Variants in RNF123 observed in about 807,000 individuals in gnomAD.
RNF123 encodes the protein ring finger protein 123.
Under a neutral mutation model 168.5 loss-of-function variants are expected in RNF123, and 86 were observed. That is an observed-to-expected ratio of 0.51 (90% CI 0.43 to 0.61). The LOEUF (loss-of-function observed/expected upper bound fraction) is 0.61. Ranked by LOEUF, RNF123 falls within the 20% of genes least tolerant of loss-of-function variation. The pLI is 0.00. For synonymous variants in RNF123, 666 were observed against 689.1 expected (o/e 0.97, Z 0.52); for missense variants, 1,419 against 1,729.7 (o/e 0.82, Z 3.19).
Position 49,715,905 on chromosome 3 carries a change from G to A in RNF123, c.3234G>A (p.Ser1078=), listed in dbSNP as rs778692052. The change falls in exon 33 of 39, where the codon TCG becomes TCA. Residue 1078 remains serine, a synonymous_variant. Transcript: ENST00000327697. ...LKVCATCFDL[S]VSLLRVLEMT... is the part of the protein sequence containing the mutation. The stretch of plus-strand genomic sequence containing the variant: ...TATGTGCCACCTGCTTTGACCTCTC[G>A]GTCAGCCTGCTGCGTGTCTTGGAGA... 6.2e-6 allele frequency: 10 copies of A among 1,613,950 alleles called. No individual in the cohort carries two copies. Among genetic ancestry groups the A allele is most frequent in the Admixed American group, 1.7e-5 (1 of 59,998 alleles).
At chr3:49,703,230 T>C (rs1361760790) in intron 20 of RNF123, among the ~76,000 whole-genome samples, 197 bp from the exon 21 acceptor site, 1 of 152,150 alleles carries the variant, frequency 6.6e-6, no homozygotes, top group Non-Finnish European at 1.5e-5. Flanking sequence ...GGCTCTGACC[T>C]GAAATGGCAG....
chr3:49,718,155 G>A (rs1263809572), intron 35 of RNF123: 4 of 1,613,110 alleles, frequency 2.5e-6, no homozygotes, highest in East Asian at 4.5e-5. Context: ...GCGGTGTGGT[G>A]CTGAGTACTG....
At position 49,705,174 on chromosome 3, in the gene RNF123, G is replaced by A. The variant is rs536052781; in HGVS notation, c.2150G>A (p.Arg717His). 1.3e-5 allele frequency: 21 copies of A among 1,601,454 alleles called. No homozygotes were observed. Among genetic ancestry groups the A allele is most frequent in the South Asian group, 5.6e-5 (5 of 88,978 alleles). Residue 717 changes from arginine (R) to histidine (H), a missense_variant, in exon 23 of 39, where the codon CGT becomes CAT. Coordinates refer to ENST00000327697, the MANE Select transcript of RNF123 (RefSeq NM_022064.5). ...VRTLSVEQRTREDIEGSHWNE... is the reference protein window; with the variant it reads ...VRTLSVEQRTHEDIEGSHWNE... ...ACGCTGAGCGTGGAGCAGAGGACCC[G>A]TGAGGACAGTAGGTGCTTGGTGGGG...
chr3:49,713,757 G>A lies in RNF123; in HGVS notation c.2769G>A (p.Met923Ile), dbSNP rs1352555013. 10 of 1,606,396 alleles carry A rather than the reference G, an allele frequency of 6.2e-6. No homozygotes were observed. The highest frequency in any genetic ancestry group is 8.5e-6 in the Non-Finnish European group (10 of 1,176,766). Reference sequence around the variant, plus strand: ...CCGCAGACATCCGAGACTCACTGATGCAGGCCCTGGCCAGCTACGTGTGCT... The same window carrying A: ...CCGCAGACATCCGAGACTCACTGATACAGGCCCTGGCCAGCTACGTGTGCT... ...IVGTDIRDSL[M>I]QALASYVCYP... The change falls in exon 29 of 39, where the codon ATG (methionine) becomes ATA (isoleucine). Residue 923 changes from methionine (M) to isoleucine (I), a missense_variant. Physicochemically the swap from Met to Ile is conservative, Grantham distance 10 (BLOSUM62 1). This residue lies in a region of RNF123 where 538 missense variants were observed against 708.8 expected (regional missense o/e 0.76). Coordinates refer to ENST00000327697, the MANE Select transcript of RNF123 (RefSeq NM_022064.5).
Position 49,702,421 on chromosome 3 carries a change from G to A in RNF123, c.1629+16G>A. The A allele has an allele frequency of 6.2e-7, 1 of 1,613,902 alleles. No homozygotes were observed. ...TGGCCGGGGGGTAGGTGTCCTCCAG[G>A]CCAGCCCACTGTGGATCCCCGGCTG... is the stretch of plus-strand genomic sequence containing the variant. On this transcript the variant is annotated intron_variant, in intron 19 of 38. Transcript: ENST00000327697.
Position 49,712,632 on chromosome 3 carries a change from G to C in RNF123, c.2650G>C (p.Val884Leu). ...YSALKNYFGP[V>L]HSMEELPGYE... Reference sequence around the variant, plus strand: ...TGCTCTCAAGAATTACTTTGGTCCCGTGCACAGCATGGAGGAGCTCCCAGG... The same window carrying C: ...TGCTCTCAAGAATTACTTTGGTCCCCTGCACAGCATGGAGGAGCTCCCAGG... The change falls in exon 27 of 39, where the codon GTG becomes CTG. Residue 884 changes from valine (V) to leucine (L), a missense_variant. Coordinates refer to ENST00000327697, the MANE Select transcript of RNF123 (RefSeq NM_022064.5). 1 of 1,614,178 alleles carries C rather than the reference G, an allele frequency of 6.2e-7. No individual in the cohort carries two copies. The highest frequency in any genetic ancestry group is 1.3e-5 in the African/African-American group (1 of 75,046).
At chr3:49,691,721 C>T (rs1212376949) in intron 3 of RNF123, among the ~76,000 whole-genome samples, 1 of 152,186 alleles carries the variant, frequency 6.6e-6, no homozygotes, top group Admixed American at 6.5e-5. Context: ...TTCTGAGAGT[C>T]AGGGAGCAGA....
At position 49,715,968 on chromosome 3, in the gene RNF123, G is replaced by C; in HGVS notation, c.3297G>C (p.Trp1099Cys). Residue 1099 changes from tryptophan (W) to cysteine (C), a missense_variant, in exon 33 of 39, where the codon TGG becomes TGC. By Grantham distance (215) the Trp-to-Cys change is radical. Coordinates refer to ENST00000327697, the MANE Select transcript of RNF123 (RefSeq NM_022064.5). ...TGGTGCCTGAGATATTCCTTGACTG[G>C]ACCCGGCCTACCTCTGAGATGCTGC... is the stretch of plus-strand genomic sequence containing the variant. ...ITLVPEIFLD[W>C]TRPTSEMLLR... 1 of 1,614,000 alleles carries C rather than the reference G, an allele frequency of 6.2e-7. No homozygotes were observed. The highest frequency in any genetic ancestry group is 8.5e-7 in the Non-Finnish European group (1 of 1,180,028).
chr3:49,692,721 C>A (rs1478849893), intron 3 of RNF123, among the ~76,000 whole-genome samples: 1 of 152,190 alleles, frequency 6.6e-6, no homozygotes, highest in Non-Finnish European at 1.5e-5. Flanking sequence ...TGATAACATG[C>A]AATGTTTGTC....
chr3:49,693,695 A>G (rs1375911170), intron 3 of RNF123, among the ~76,000 whole-genome samples: 1 of 152,136 alleles, frequency 6.6e-6, no homozygotes, highest in Non-Finnish European at 1.5e-5. Context: ...ACTGTTCTCG[A>G]TAGTGATTGC....
intron 23 of RNF123, 130 bp from the exon 24 acceptor site, chr3:49,705,404 C>T: frequency 7.3e-7 from 1 of 1,360,568 alleles, no homozygotes; most frequent in Non-Finnish European, 9.9e-7. Context: ...ACCCCCATGC[C>T]CCCATGGGCT....
intron 18 of RNF123, 67 bp from the exon 19 acceptor site, chr3:49,702,267 A>C: frequency 6.3e-7 from 1 of 1,597,368 alleles, no homozygotes; most frequent in South Asian, 1.1e-5. Flanking sequence ...AAGGTGCAGC[A>C]CTGAGCCAGC....
rs34614773 is a variant in RNF123 at position 49,715,570 on chromosome 3, T to A, written c.3011-5T>A. On this transcript the variant is annotated splice_polypyrimidine_tract_variant and splice_region_variant and intron_variant, in intron 31 of 38. Transcript: ENST00000327697. ...CTGATGATGCCGCCTCCTGTCCCCC[T>A]GCAGAGCCCTGCCCTTCCACCCTGC... The A allele has an allele frequency of 1.9e-5, 31 of 1,613,224 alleles. No homozygotes were observed. In the Admixed American group the frequency reaches 2.8e-4, roughly 15 times the overall value.
intron 26 of RNF123, among the ~76,000 whole-genome samples, chr3:49,708,575 G>A (rs2080079425): frequency 6.6e-6 from 1 of 152,192 alleles, no homozygotes; most frequent in Non-Finnish European, 1.5e-5. Flanking sequence ...GGCTAGCTCA[G>A]GTTGCCCCTG....
Position 49,720,537 on chromosome 3 carries a change from T to A in RNF123, c.3527T>A (p.Leu1176Gln). ...SEREQATSVL[L>Q]ADPCFQLRSI... The stretch of plus-strand genomic sequence containing the variant: ...AGAGAGCAAGCCACATCAGTGCTCC[T>A]GGCAGATCCCTGCTTCCAGCTACGC... Residue 1176 changes from leucine (L) to glutamine (Q), a missense_variant, in exon 36 of 39, where the codon CTG becomes CAG. Physicochemically the swap from Leu to Gln is moderately radical, Grantham distance 113 (BLOSUM62 -2). Coordinates refer to ENST00000327697, the MANE Select transcript of RNF123 (RefSeq NM_022064.5). The A allele has an allele frequency of 6.2e-7, 1 of 1,606,108 alleles. No homozygotes were observed. Among genetic ancestry groups the A allele is most frequent in the Non-Finnish European group, 8.5e-7 (1 of 1,175,250 alleles).
intron 21 of RNF123, 126 bp downstream of exon 21, chr3:49,703,654 C>G (rs2054454918): frequency 8.6e-6 from 6 of 694,420 alleles, no homozygotes; most frequent in Non-Finnish European, 1.5e-5. Flanking sequence ...TTTCCACCCA[C>G]TCAGGCAGGG....
At chr3:49,703,366 T>C (rs892119058) in intron 20 of RNF123, 61 bp from the exon 21 acceptor site, 36 of 1,361,120 alleles carry the variant, frequency 2.6e-5, no homozygotes, top group Admixed American at 7.2e-5. Context: ...AGGGGAGGGC[T>C]GTGGGGAGGG....
Position 49,716,261 on chromosome 3 carries a change from T to A in RNF123, c.3415+84T>A, listed in dbSNP as rs2080242887. 5 of 1,566,806 alleles carry A rather than the reference T, an allele frequency of 3.2e-6. No homozygotes were observed. In the Admixed American group the frequency reaches 8.4e-5, roughly 26 times the overall value. On this transcript the variant is annotated intron_variant, in intron 34 of 38. Transcript: ENST00000327697. ...AACAGTGAGGCCTGATTCCACATTCTGCCCCCGGACAGCCAGACTTGGTGC... is the reference window on the plus strand; with the variant it reads ...AACAGTGAGGCCTGATTCCACATTCAGCCCCCGGACAGCCAGACTTGGTGC...
Position 49,703,369 on chromosome 3 carries a change from G to T in RNF123, c.1751-58G>T, listed in dbSNP as rs546025475. ...AGGCCAGATTGGAGGGGAGGGCTGT[G>T]GGGAGGGTCTTCCTACTGGGCCGTG... On this transcript the variant is annotated intron_variant, in intron 20 of 38. Coordinates refer to ENST00000327697, the MANE Select transcript of RNF123 (RefSeq NM_022064.5). 2.8e-5 allele frequency: 39 copies of T among 1,404,128 alleles called. No homozygotes were observed. In the African/African-American group the frequency reaches 5.1e-4, roughly 18 times the overall value. 87.0% of individuals were successfully genotyped at this position (1,404,128 alleles called of 1,614,324 possible).
Sources: allele counts gnomAD v4.1 joint callset (sites outside exome capture counted in the v4.1 genomes callset), GRCh38; gene constraint gnomAD v4.1.1; regional missense constraint gnomAD v4.1.1; transcripts MANE v1.5; gene names NCBI Gene and HGNC (gene_info 2026-07-23, HGNC 2026-07-21).